Variants in TBL2 observed in about 807,000 individuals in gnomAD.
TBL2 encodes the protein transducin beta-like protein 2.
Under a neutral mutation model 41.8 loss-of-function variants are expected in TBL2, and 33 were observed. The ratio of observed to expected loss-of-function variants is 0.79; its 90% CI spans 0.60 to 1.06. The LOEUF (loss-of-function observed/expected upper bound fraction) is 1.06. Ranked by LOEUF, TBL2 falls within the 50% of genes least tolerant of loss-of-function variation. TBL2 has a pLI of 0.00. For synonymous variants in TBL2, 239 were observed against 241.7 expected (o/e 0.99, Z 0.10); for missense variants, 522 against 603.8 (o/e 0.86, Z 1.42).
intron 1 of TBL2, chr7:73,574,768 C>G (rs1204621142): frequency 3.5e-6 from 2 of 577,150 alleles, no homozygotes; most frequent in Non-Finnish European, 6.4e-6. Context: ...ATGATCACAA[C>G]ACTACTGCAT....
chr7:73,572,949 G>C lies in TBL2; in HGVS notation c.620C>G (p.Ser207Cys), dbSNP rs1398858721. The C allele has an allele frequency of 6.2e-7, 1 of 1,614,168 alleles. No individual in the cohort carries two copies. The highest frequency in any genetic ancestry group is 8.5e-7 in the Non-Finnish European group (1 of 1,180,026). Residue 207 changes from serine to cysteine, a missense_variant, in exon 5 of 7, where the codon TCC becomes TGC. Coordinates refer to ENST00000305632, the MANE Select transcript of TBL2 (RefSeq NM_012453.4). ...CCAGATGAGGACAGTGGTGTCACTG[G>C]AGGCAGTCATGATAAACTTCCCTGA... ...ANTGKFIMTA[S>C]SDTTVLIWSL... is the part of the protein sequence containing the mutation.
intron 1 of TBL2, among the ~76,000 whole-genome samples, chr7:73,575,842 G>C (rs528890546): frequency 7.3e-5 from 11 of 151,242 alleles, no homozygotes; most frequent in African/African-American, 2.7e-4. Flanking sequence ...TCAGGAGTTC[G>C]AGACCAGCCT....
rs1792807578 is a variant in TBL2 at position 73,569,743 on chromosome 7, G to C, written c.*764C>G. ...TCTGATGAACTTGATGAACTGAAAA[G>C]AGGTCTCCTTAAACAAGATATCATC... On this transcript the variant is annotated 3_prime_UTR_variant, in exon 7 of 7. Coordinates refer to ENST00000305632, the MANE Select transcript of TBL2 (RefSeq NM_012453.4). 1 of 152,188 alleles carries C rather than the reference G, an allele frequency of 6.6e-6. No individual in the cohort carries two copies. The highest frequency in any genetic ancestry group is 2.4e-5 in the African/African-American group (1 of 41,454). The allele number at this position is 152,188 out of a possible 1,614,324, so 9.4% of individuals were successfully genotyped here.
chr7:73,573,360 C>A lies in TBL2; in HGVS notation c.558G>T (p.Lys186Asn), dbSNP rs1793090570. 8.7e-6 allele frequency: 14 copies of A among 1,614,056 alleles called. No homozygotes were observed. Among genetic ancestry groups the A allele is most frequent in the Admixed American group, 1.7e-5 (1 of 59,982 alleles). The change falls in exon 4 of 7, where the codon AAG becomes AAT. Residue 186 changes from lysine to asparagine, a missense_variant. Coordinates refer to ENST00000305632, the MANE Select transcript of TBL2 (RefSeq NM_012453.4). ...CAATGTCGATGACAGGCGCCTTGTG[C>A]TTTTTAGGGAAGTCCTCTGGGGTGG... ...FTATPEDFPK[K>N]HKAPVIDIGI... is the part of the protein sequence containing the mutation.
chr7:73,578,223 C>A, intron 1 of TBL2, 197 bp downstream of exon 1: 1 of 1,527,484 alleles, frequency 6.5e-7, no homozygotes, highest in Non-Finnish European at 8.7e-7. Flanking sequence ...GGAGCCAGTC[C>A]CGCCCCAGGA....
At chr7:73,573,066 C>A (rs1426256044) in intron 4 of TBL2, 96 bp from the exon 5 acceptor site, 15 of 1,549,786 alleles carry the variant, frequency 9.7e-6, no homozygotes, top group Non-Finnish European at 1.2e-5. Flanking sequence ...CCGAAGTATA[C>A]ATGTCTCCTC....
At chr7:73,577,256 T>TCC (rs1480878394) in intron 1 of TBL2, among the ~76,000 whole-genome samples, 7 of 42,062 alleles carry the variant, frequency 1.7e-4, no homozygotes, top group African/African-American at 5.8e-4. Flanking sequence ...CAAAACTCCG[T>TCC]CCCCCTGCAA....
At chr7:73,578,282 C>T (rs1793465346) in intron 1 of TBL2, 138 bp downstream of exon 1, 4 of 1,534,582 alleles carry the variant, frequency 2.6e-6, no homozygotes, top group Non-Finnish European at 3.5e-6. Context: ...AAGCGAAGCT[C>T]ACGTTACCAG....
rs1451668311 is a variant in TBL2 at position 73,568,693 on chromosome 7, G to A, written c.*1814C>T. On this transcript the variant is annotated 3_prime_UTR_variant, in exon 7 of 7. Coordinates refer to ENST00000305632, the MANE Select transcript of TBL2 (RefSeq NM_012453.4). ...AATCCCAGCACTTGGGGAGGCCAAG[G>A]GGGGTGGTGGATCATTTGAGGTCAG... 6.6e-5 allele frequency among the ~76,000 whole-genome samples: 10 copies of A among 152,168 alleles called. No homozygotes were observed. Among genetic ancestry groups the A allele is most frequent in the African/African-American group, 2.2e-4 (9 of 41,450 alleles).
intron 1 of TBL2, 186 bp downstream of exon 1, chr7:73,578,234 G>A: frequency 6.5e-7 from 1 of 1,530,262 alleles, no homozygotes; most frequent in African/African-American, 1.4e-5. Flanking sequence ...CGCCCCAGGA[G>A]GTGCGCCTAA....
Position 73,572,950 on chromosome 7 carries a change from A to T in TBL2, c.619T>A (p.Ser207Thr), listed in dbSNP as rs1170807809. The T allele has an allele frequency of 2.5e-6, 4 of 1,614,018 alleles. No individual in the cohort carries two copies. Among genetic ancestry groups the T allele is most frequent in the Non-Finnish European group, 3.4e-6 (4 of 1,180,032 alleles). Residue 207 changes from serine to threonine, a missense_variant, in exon 5 of 7, where the codon TCC becomes ACC. Coordinates refer to ENST00000305632, the MANE Select transcript of TBL2 (RefSeq NM_012453.4). ...ANTGKFIMTA[S>T]SDTTVLIWSL... is the part of the protein sequence containing the mutation. ...CAGATGAGGACAGTGGTGTCACTGG[A>T]GGCAGTCATGATAAACTTCCCTGAG...
rs571500560 is a variant in TBL2, at chr7:73,578,393, G to A, written c.130+27C>T. 646 of 1,522,092 alleles carry A rather than the reference G, an allele frequency of 4.2e-4. 1 individual carries two copies. The highest frequency in any genetic ancestry group is 8.4e-4 in the Middle Eastern group (4 of 4,770). 94.3% of individuals were successfully genotyped at this position (1,522,092 alleles called of 1,614,324 possible). The stretch of plus-strand genomic sequence containing the variant: ...GCCGGGAGCCGGGACACCGCGGGCC[G>A]CCCCCACCCGACCCGGCCCCACTTA... On this transcript the variant is annotated intron_variant, in intron 1 of 6. Coordinates refer to ENST00000305632, the MANE Select transcript of TBL2 (RefSeq NM_012453.4).
intron 1 of TBL2, among the ~76,000 whole-genome samples, chr7:73,577,467 G>A (rs931823848): frequency 2.0e-5 from 3 of 151,912 alleles, no homozygotes; most frequent in African/African-American, 4.8e-5. Flanking sequence ...CCAGCTACTC[G>A]GGAGGCAGAG....
intron 3 of TBL2, 84 bp from the exon 4 acceptor site, chr7:73,573,555 G>T: frequency 6.4e-7 from 1 of 1,554,338 alleles, no homozygotes; most frequent in Admixed American, 1.9e-5. Context: ...TCTCGGGGAA[G>T]TCAAGATCTC....
chr7:73,570,635 G>C lies in TBL2; in HGVS notation c.1216C>G (p.Arg406Gly). 1 of 1,613,628 alleles carries C rather than the reference G, an allele frequency of 6.2e-7. No homozygotes were observed. Among genetic ancestry groups the C allele is most frequent in the Non-Finnish European group, 8.5e-7 (1 of 1,179,864 alleles). ...CCCTGCATCTCCTCCACCATGGCTC[G>C]GTGGCCAGGAGTGTTGTGAAACAGC... Reference protein sequence around the residue: ...VRLFHNTPGHRAMVEEMQGHL... With the variant: ...VRLFHNTPGHGAMVEEMQGHL... The change falls in exon 7 of 7, where the codon CGA becomes GGA. Residue 406 changes from arginine (R) to glycine (G), a missense_variant. Arg to Gly is a moderately radical substitution (Grantham distance 125). Transcript: ENST00000305632.
rs111680567 is a variant in TBL2, at chr7:73,573,238, G to A, written c.598+82C>T. ...CCTCTCAGGTTGAGCAGAACTTTCA[G>A]GCAGCATTAACTCATTGAGGAAATA... is the stretch of plus-strand genomic sequence containing the variant. On this transcript the variant is annotated intron_variant, in intron 4 of 6. Transcript: ENST00000305632. 1,851 of 1,560,858 alleles carry A rather than the reference G, an allele frequency of 1.2e-3. 17 individuals carry two copies. The African/African-American group carries it at 0.02, about 17-fold the overall frequency.
chr7:73,573,736 C>T (rs1793116385), intron 3 of TBL2: 4 of 765,450 alleles, frequency 5.2e-6, no homozygotes, highest in South Asian at 3.8e-5. Flanking sequence ...TAGGAAGAGA[C>T]CTCCCCCTGT....
Position 73,573,986 on chromosome 7 carries a change from T to G in TBL2, c.398A>C (p.Asn133Thr). The G allele has an allele frequency of 1.2e-6, 2 of 1,614,164 alleles. No homozygotes were observed. Among genetic ancestry groups the G allele is most frequent in the Non-Finnish European group, 1.7e-6 (2 of 1,180,034 alleles). Residue 133 changes from asparagine (N) to threonine (T), a missense_variant, in exon 3 of 7, where the codon AAC becomes ACC. By Grantham distance (65) the Asn-to-Thr change is moderately conservative. Coordinates refer to ENST00000305632, the MANE Select transcript of TBL2 (RefSeq NM_012453.4). ...CAGGGTGGCGTGGTCCAGCTCCACG[T>G]TGGCTCTCATGCTGCGGTGCTCTCG... ...LQREHRSMRANVELDHATLVR... is the reference protein window; with the variant it reads ...LQREHRSMRATVELDHATLVR...
chr7:73,574,607 G>A (rs1173815553), intron 1 of TBL2, 94 bp from the exon 2 acceptor site: 1 of 1,553,244 alleles, frequency 6.4e-7, no homozygotes, highest in Non-Finnish European at 8.8e-7. Context: ...AACAGCAGGA[G>A]ATTAACCAGA....
Sources: allele counts gnomAD v4.1 joint callset (sites outside exome capture counted in the v4.1 genomes callset), GRCh38; gene constraint gnomAD v4.1.1; transcripts MANE v1.5; gene names NCBI Gene and HGNC (gene_info 2026-07-23, HGNC 2026-07-21).